The following YTHDF3 variants were observed in gnomAD, a reference collection of about 807,000 sequenced individuals.
YTHDF3 encodes YTH N6-methyladenosine RNA binding protein F3.
Under a neutral mutation model 52.5 loss-of-function variants are expected in YTHDF3, and 9 were observed. The observed-to-expected ratio is 0.17, with a 90% CI of 0.10 to 0.30. The LOEUF is 0.30. Ranked by LOEUF, YTHDF3 falls within the 10% of genes least tolerant of loss-of-function variation. The pLI is 1.00. For missense variants in YTHDF3, 534 were observed against 715.0 expected (o/e 0.75, Z 2.89); for synonymous variants, 274 against 243.3 (o/e 1.13, Z -1.18).
In YTHDF3 at chr8:63,196,867, G is replaced by A. The variant is rs78991568; in HGVS notation, c.1734+9122G>A. Among the ~76,000 whole-genome samples the A allele has an allele frequency of 3.9e-3, 597 of 152,238 alleles. 1 individual carries two copies. Among genetic ancestry groups the A allele is most frequent in the African/African-American group, 0.014 (581 of 41,532 alleles). On this transcript the variant is annotated intron_variant, in intron 4 of 4. Transcript: ENST00000539294. ...CTGTTCATGAAACCATACTTAAAATGTTTCAGCAGAATGAAAAAGAATTCA... is the reference window on the plus strand; with the variant it reads ...CTGTTCATGAAACCATACTTAAAATATTTCAGCAGAATGAAAAAGAATTCA...
chr8:63,172,986 T>G (rs150139759), intron 2 of YTHDF3, among the ~76,000 whole-genome samples: 36 of 152,246 alleles, frequency 2.4e-4, no homozygotes, highest in African/African-American at 8.2e-4. Flanking sequence ...GCTAGTTTAA[T>G]GCAAATTGCT....
At chr8:63,170,731 A>G (rs1807268439) in intron 2 of YTHDF3, among the ~76,000 whole-genome samples, 1 of 152,136 alleles carries the variant, frequency 6.6e-6, no homozygotes, top group Non-Finnish European at 1.5e-5. Flanking sequence ...AGCATAAATT[A>G]TTTTATCCTA....
At position 63,186,776 on chromosome 8, in the gene YTHDF3, G is replaced by A; in HGVS notation, c.765G>A (p.Lys255=). 1.2e-6 allele frequency: 2 copies of A among 1,613,874 alleles called. No individual in the cohort carries two copies. The highest frequency in any genetic ancestry group is 8.5e-7 in the Non-Finnish European group (1 of 1,179,882). Residue 255 remains lysine, a synonymous_variant, in exon 4 of 5, where the codon AAG becomes AAA. Transcript: ENST00000539294. ...AACCTCAACCGAAACTTAAACCCAAGGGCAATGTGGGAATTGGGGGTTCTG... is the reference window on the plus strand; with the variant it reads ...AACCTCAACCGAAACTTAAACCCAAAGGCAATGTGGGAATTGGGGGTTCTG... The part of the protein sequence containing the change: ...PAKPQPKLKP[K]GNVGIGGSAV...
intron 4 of YTHDF3, among the ~76,000 whole-genome samples, chr8:63,208,264 A>G (rs1312071287): frequency 6.6e-6 from 1 of 152,194 alleles, no homozygotes; most frequent in Non-Finnish European, 1.5e-5. Flanking sequence ...AATAAAAAAG[A>G]AAGGACTTTT....
At position 63,187,004 on chromosome 8, in the gene YTHDF3, A is replaced by G. The variant is rs755327146; in HGVS notation, c.993A>G (p.Gln331=). 8.1e-6 allele frequency: 13 copies of G among 1,613,502 alleles called. No individual in the cohort carries two copies. The highest frequency in any genetic ancestry group is 1.1e-5 in the Non-Finnish European group (13 of 1,179,732). The change falls in exon 4 of 5, where the codon CAA becomes CAG. Residue 331 remains glutamine (Q), a synonymous_variant. Coordinates refer to ENST00000539294, the MANE Select transcript of YTHDF3 (RefSeq NM_152758.6). ...QQPQPPQPQQ[Q]QGPQPQAQPH... is the part of the protein sequence containing the mutation. ...CTCAACCACCACAACCACAGCAGCA[A>G]CAAGGACCTCAGCCACAGGCCCAGC...
intron 4 of YTHDF3, among the ~76,000 whole-genome samples, chr8:63,200,740 T>C (rs1015413390): frequency 2.6e-5 from 4 of 152,224 alleles, no homozygotes; most frequent in African/African-American, 9.6e-5. Flanking sequence ...TAAAGCCTTA[T>C]TCAATTTAAA....
At chr8:63,173,812 C>A in intron 2 of YTHDF3, 1 of 328,086 alleles carries the variant, frequency 3.0e-6, no homozygotes, top group Non-Finnish European at 4.4e-6. Flanking sequence ...GCATATTTAG[C>A]TCAATCCTAG....
intron 4 of YTHDF3, among the ~76,000 whole-genome samples, chr8:63,195,552 G>A (rs1809175636): frequency 6.6e-6 from 1 of 152,192 alleles, no homozygotes; most frequent in Non-Finnish European, 1.5e-5. Context: ...GGAAAGATGT[G>A]ATGGAAAGAG....
At chr8:63,180,329 A>G (rs989284366) in intron 3 of YTHDF3, among the ~76,000 whole-genome samples, 1 of 148,604 alleles carries the variant, frequency 6.7e-6, no homozygotes, top group African/African-American at 2.5e-5. Flanking sequence ...CCCACATCTC[A>G]GACGATGGGC....
In YTHDF3 at chr8:63,189,341, G is replaced by C. The variant is rs367543879; in HGVS notation, c.1734+1596G>C. Among the ~76,000 whole-genome samples the C allele has an allele frequency of 2.0e-4, 31 of 152,218 alleles. No homozygotes were observed. In the East Asian group the frequency reaches 5.4e-3, roughly 27 times the overall value. On this transcript the variant is annotated intron_variant, in intron 4 of 4. Transcript: ENST00000539294. ...CTCTTCCAAACTGTAACGTAAAATTGGGGTCCTATTTTTAGGTGGAAAGAG... is the reference window on the plus strand; with the variant it reads ...CTCTTCCAAACTGTAACGTAAAATTCGGGTCCTATTTTTAGGTGGAAAGAG...
At chr8:63,171,113 T>G (rs772714755) in intron 2 of YTHDF3, among the ~76,000 whole-genome samples, 12 of 152,192 alleles carry the variant, frequency 7.9e-5, no homozygotes, top group Non-Finnish European at 1.3e-4. Context: ...TCAAGAAATT[T>G]TCTTTCTTTC....
intron 1 of YTHDF3, 65 bp from the exon 2 acceptor site, chr8:63,169,322 A>T (rs1422330645): frequency 6.5e-7 from 1 of 1,549,868 alleles, no homozygotes; most frequent in East Asian, 2.3e-5. Context: ...AATGCCTTTG[A>T]TTAACACACT....
chr8:63,203,280 C>G (rs1809765149), intron 4 of YTHDF3, among the ~76,000 whole-genome samples: 1 of 151,224 alleles, frequency 6.6e-6, no homozygotes, highest in Non-Finnish European at 1.5e-5. Flanking sequence ...TATTCCCTGG[C>G]TTTAAACTTT....
chr8:63,170,918 AGGTAGGCACT>A (rs1426582578), intron 2 of YTHDF3, among the ~76,000 whole-genome samples: 1 of 152,214 alleles, frequency 6.6e-6, no homozygotes, highest in Non-Finnish European at 1.5e-5. Flanking sequence ...CATTTCACTT[AGGTAGGCACT>A]GGTGGCATCT....
intron 4 of YTHDF3, among the ~76,000 whole-genome samples, chr8:63,204,514 G>A (rs777448998): frequency 7.3e-5 from 11 of 151,682 alleles, no homozygotes; most frequent in Non-Finnish European, 1.5e-4. Context: ...GGCATGCGCC[G>A]CCACACCGAG....
intron 4 of YTHDF3, among the ~76,000 whole-genome samples, chr8:63,198,087 C>T (rs1809354023): frequency 1.3e-5 from 2 of 152,120 alleles, no homozygotes; most frequent in Non-Finnish European, 1.5e-5. Context: ...CCTGTTCCTC[C>T]AGAAAGAGAT....
chr8:63,212,357 G>A lies in YTHDF3; in HGVS notation c.*2651G>A, dbSNP rs1810410203. On this transcript the variant is annotated 3_prime_UTR_variant, in exon 5 of 5. Coordinates refer to ENST00000539294, the MANE Select transcript of YTHDF3 (RefSeq NM_152758.6). The stretch of plus-strand genomic sequence containing the variant: ...TACTTAATTTCTCTTTTTAATTTAA[G>A]TGATCTTTCTAATTCGAAAGCTGTG... 6.6e-6 allele frequency: 1 copy of A among 152,468 alleles called. No homozygotes were observed. The allele number at this position is 152,468 out of a possible 1,614,324, so 9.4% of individuals were successfully genotyped here.
intron 4 of YTHDF3, among the ~76,000 whole-genome samples, chr8:63,197,316 T>TA (rs1809301570): frequency 6.6e-6 from 1 of 152,180 alleles, no homozygotes; most frequent in South Asian, 2.1e-4. Context: ...TTTTTCTTCT[T>TA]TATAGGTGTA....
At position 63,187,529 on chromosome 8, in the gene YTHDF3, C is replaced by G. The variant is rs1026949046; in HGVS notation, c.1518C>G (p.Ile506Met). 1.2e-6 allele frequency: 2 copies of G among 1,613,956 alleles called. No individual in the cohort carries two copies. Among genetic ancestry groups the G allele is most frequent in the Non-Finnish European group, 1.7e-6 (2 of 1,179,880 alleles). The change falls in exon 4 of 5, where the codon ATC becomes ATG. Residue 506 changes from isoleucine to methionine, a missense_variant. This residue lies in a region of YTHDF3 where 135 missense variants were observed against 214.2 expected (regional missense o/e 0.63). Coordinates refer to ENST00000539294, the MANE Select transcript of YTHDF3 (RefSeq NM_152758.6). ...AGGGCAAATTTGAAGTTAAATGGATCTTTGTCAAAGATGTTCCCAATAACC... is the reference window on the plus strand; with the variant it reads ...AGGGCAAATTTGAAGTTAAATGGATGTTTGTCAAAGATGTTCCCAATAACC... ...KWKGKFEVKWIFVKDVPNNQL... is the reference protein window; with the variant it reads ...KWKGKFEVKWMFVKDVPNNQL...
Sources: allele counts gnomAD v4.1 joint callset (sites outside exome capture counted in the v4.1 genomes callset), GRCh38; gene constraint gnomAD v4.1.1; regional missense constraint gnomAD v4.1.1; transcripts MANE v1.5; gene names NCBI Gene and HGNC (gene_info 2026-07-23, HGNC 2026-07-21).